FAN1: variants seen among roughly 807,000 people sequenced by gnomAD.
FAN1 encodes the protein FANCD2 and FANCI associated nuclease 1.
In FAN1, 91 loss-of-function variants were observed where a neutral mutation model predicts 104.9. The observed-to-expected ratio is 0.87, with a 90% CI of 0.73 to 1.03. FAN1 has a LOEUF of 1.03. Among genes scored for constraint, FAN1 ranks in the 50% least tolerant of loss-of-function variants. The probability of loss-of-function intolerance (pLI) is 0.00; values close to 1 mark genes in which losing one functional copy is unlikely to be tolerated. For synonymous variants in FAN1, 478 were observed against 457.6 expected (o/e 1.04, Z -0.57); for missense variants, 1,263 against 1,239.9 (o/e 1.02, Z -0.28).
chr15:30,905,744 T>C lies in FAN1; in HGVS notation c.1081T>C (p.Ser361Pro), dbSNP rs754936301. The C allele has an allele frequency of 1.2e-6, 2 of 1,614,106 alleles. No individual in the cohort carries two copies. Among genetic ancestry groups the C allele is most frequent in the Non-Finnish European group, 1.7e-6 (2 of 1,180,000 alleles). Reference protein sequence around the residue: ...IPHSIPLEQGSSCNGPGQTTG... With the variant: ...IPHSIPLEQGPSCNGPGQTTG... ...TCACAGCATTCCTTTGGAGCAGGGG[T>C]CAAGCTGCAATGGTCCTGGTCAAAC... Residue 361 changes from serine to proline, a missense_variant, in exon 2 of 15, where the codon TCA (serine) becomes CCA (proline). Coordinates refer to ENST00000362065, the MANE Select transcript of FAN1 (RefSeq NM_014967.5).
At chr15:30,939,726 A>G (rs1217794876) in intron 14 of FAN1, 3 of 981,104 alleles carry the variant, frequency 3.1e-6, no homozygotes, top group Non-Finnish European at 3.6e-6. Flanking sequence ...TAATAATAAA[A>G]AAGCAGCTAA....
At chr15:30,931,594 TTTGTATACAGTGTGGGGCATGCAC>T (rs1229531438) in intron 13 of FAN1, among the ~76,000 whole-genome samples, 2 of 152,214 alleles carry the variant, frequency 1.3e-5, no homozygotes, top group Non-Finnish European at 2.9e-5. Flanking sequence ...TGAGACGCCA[TTTGTATACAGTGTGGGGCATGCAC>T]TGGAATTCAT....
At position 30,922,300 on chromosome 15, in the gene FAN1, A is replaced by C. The variant is rs141559766; in HGVS notation, c.2118A>C (p.Arg706=). 1,384 of 1,614,042 alleles carry C rather than the reference A, an allele frequency of 8.6e-4. 4 individuals carry two copies. Among genetic ancestry groups the C allele is most frequent in the Admixed American group, 1.4e-3 (84 of 60,000 alleles). Residue 706 remains arginine (R), a synonymous_variant, in exon 8 of 15, where the codon CGA becomes CGC. Coordinates refer to ENST00000362065, the MANE Select transcript of FAN1 (RefSeq NM_014967.5). ...TTTATTGTCCTGACAGCAGAGGCCG[A>C]TGGTGGGATCGACTGGCCCTTAATT... ...QRIYCPDSRG[R]WWDRLALNLH...
At chr15:30,940,900 TA>T in intron 14 of FAN1, 1 of 1,029,810 alleles carries the variant, frequency 9.7e-7, no homozygotes, top group Non-Finnish European at 1.2e-6. Flanking sequence ...CCTATGAAGT[TA>T]AAAGCAAACT....
chr15:30,941,302 A>ATAAG, intron 14 of FAN1: 3 of 1,521,538 alleles, frequency 2.0e-6, no homozygotes, highest in South Asian at 2.4e-5. Flanking sequence ...CTCTCTTAAA[A>ATAAG]TAAGTGTGAA....
At chr15:30,936,523 C>T (rs531261376) in intron 13 of FAN1, among the ~76,000 whole-genome samples, 35 of 152,210 alleles carry the variant, frequency 2.3e-4, no homozygotes, top group Non-Finnish European at 4.0e-4. Context: ...TCAGTTTACT[C>T]ATCCTCTGTG....
chr15:30,918,058 TA>T, intron 5 of FAN1, 105 bp from the exon 6 acceptor site: 2 of 1,192,876 alleles, frequency 1.7e-6, no homozygotes, highest in East Asian at 2.3e-5. Flanking sequence ...CCTCATATTT[TA>T]AAAAACACAC....
At chr15:30,924,009 C>A (rs1361925471) in intron 8 of FAN1, among the ~76,000 whole-genome samples, 2 of 152,192 alleles carry the variant, frequency 1.3e-5, no homozygotes, top group African/African-American at 4.8e-5. Context: ...TTCCCTTCCC[C>A]AAGCCCTGGC....
chr15:30,910,146 C>G (rs192832003), intron 3 of FAN1, among the ~76,000 whole-genome samples: 4 of 152,362 alleles, frequency 2.6e-5, no homozygotes, highest in Admixed American at 2.6e-4. Flanking sequence ...AGCCGAATTC[C>G]TAGGCCAAGG....
intron 12 of FAN1, among the ~76,000 whole-genome samples, chr15:30,929,907 TATATA>T (rs3052634): frequency 0.41 from 37,823 of 92,998 alleles, 10,702 homozygotes; most frequent in East Asian, 0.9. Flanking sequence ...ATATATAAAA[TATATA>T]ATATATATCA....
At chr15:30,909,679 G>A (rs2062056228) in intron 3 of FAN1, among the ~76,000 whole-genome samples, 1 of 152,162 alleles carries the variant, frequency 6.6e-6, no homozygotes. Context: ...CTCGCTTTCT[G>A]CCACGGCCAC....
At chr15:30,932,076 G>T (rs2955793) in intron 13 of FAN1, among the ~76,000 whole-genome samples, 1 of 151,766 alleles carries the variant, frequency 6.6e-6, no homozygotes, top group African/African-American at 2.4e-5. Context: ...CAAAAAATTA[G>T]CCGGGTGTGG....
At chr15:30,909,940 A>G (rs1353086093) in intron 3 of FAN1, among the ~76,000 whole-genome samples, 1 of 152,196 alleles carries the variant, frequency 6.6e-6, no homozygotes, top group Non-Finnish European at 1.5e-5. Context: ...CACCTGATAA[A>G]TTTGCCTATT....
intron 8 of FAN1, among the ~76,000 whole-genome samples, chr15:30,924,612 C>G (rs375471006): frequency 6.6e-6 from 1 of 152,142 alleles, no homozygotes; most frequent in East Asian, 1.9e-4. Flanking sequence ...GTAATTCCTC[C>G]AAACCTTTGG....
chr15:30,906,032 A>C, intron 2 of FAN1, 135 bp downstream of exon 2: 1 of 791,240 alleles, frequency 1.3e-6, no homozygotes, highest in Non-Finnish European at 2.1e-6. Flanking sequence ...GGGAGTGTTC[A>C]TGGGAGTTGG....
intron 14 of FAN1, chr15:30,940,077 A>T (rs1239970946): frequency 1.0e-6 from 1 of 982,972 alleles, no homozygotes; most frequent in Non-Finnish European, 1.2e-6. Flanking sequence ...AAAAGGAAAT[A>T]AGCTAACTAG....
chr15:30,918,050 T>C (rs964060044), intron 5 of FAN1, 114 bp from the exon 6 acceptor site: 27 of 1,039,884 alleles, frequency 2.6e-5, no homozygotes, highest in Non-Finnish European at 3.6e-5. Context: ...TAAGTGGCCC[T>C]CATATTTTAA....
intron 4 of FAN1, chr15:30,911,238 G>T: frequency 1.0e-6 from 1 of 991,008 alleles, no homozygotes; most frequent in Non-Finnish European, 1.2e-6. Context: ...CAAAAACTGT[G>T]AGTGGCTTCT....
At position 30,920,611 on chromosome 15, in the gene FAN1, G is replaced by A; in HGVS notation, c.2010G>A (p.Leu670=). ...TTGGGTGGATTTATACAAGGATTTT[G>A]TCTCGGTTTGTGGAAATACTGCAGA... ...FTVGWIYTRI[L]SRFVEILQRL... Residue 670 remains leucine (L), a synonymous_variant, in exon 7 of 15, where the codon TTG becomes TTA. Coordinates refer to ENST00000362065, the MANE Select transcript of FAN1 (RefSeq NM_014967.5). The A allele has an allele frequency of 6.2e-7, 1 of 1,612,122 alleles. No homozygotes were observed. Among genetic ancestry groups the A allele is most frequent in the South Asian group, 1.1e-5 (1 of 90,466 alleles).
Sources: gnomAD v4.1 joint callset for allele counts (sites outside exome capture counted in the v4.1 genomes callset) on GRCh38, gnomAD v4.1.1 for gene constraint, MANE v1.5 for transcripts, NCBI Gene and HGNC (gene_info 2026-07-23, HGNC 2026-07-21) for gene names.